Variants in SEMA5B observed in about 807,000 individuals in gnomAD.
SEMA5B encodes the protein semaphorin-5B.
In SEMA5B, 66 loss-of-function variants were observed where a neutral mutation model predicts 135.0. That is an observed-to-expected ratio of 0.49 (90% confidence interval 0.40 to 0.60). The LOEUF is 0.60. Among genes scored for constraint, SEMA5B ranks in the 20% least tolerant of loss-of-function variants. SEMA5B has a pLI of 0.00. For missense variants in SEMA5B, 1,501 were observed against 1,566.3 expected (o/e 0.96, Z 0.70); for synonymous variants, 690 against 639.5 (o/e 1.08, Z -1.19).
In SEMA5B at chr3:122,922,069, AGCCGTGGAGGCTGCGGCTC is replaced by A; in HGVS notation, c.1515_1533del (p.Ser506AlafsTer33). 1 of 1,492,076 alleles carries A rather than the reference AGCCGTGGAGGCTGCGGCTC, an allele frequency of 6.7e-7. No individual in the cohort carries two copies. The highest frequency in any genetic ancestry group is 8.9e-7 in the Non-Finnish European group (1 of 1,119,304). 92.4% of individuals were successfully genotyped at this position (1,492,076 alleles called of 1,614,324 possible). A position where few individuals can be genotyped will look rare whatever the true frequency, so the allele number is the denominator to read the frequency against. On this transcript the variant is annotated frameshift_variant, in exon 12 of 23. Transcript: ENST00000357599. LOFTEE classifies it high-confidence loss of function. ...AGCACGTGCAGCTCCTCCAGGTAGC[AGCCGTGGAGGCTGCGGCTC>A]GCCGTGGACAGCGCCTTCAGGATGG...
chr3:123,019,143 A>C (rs1482416455), intron 1 of SEMA5B, among the ~76,000 whole-genome samples: 1 of 152,188 alleles, frequency 6.6e-6, no homozygotes, highest in Non-Finnish European at 1.5e-5. Context: ...ACAACAAGCC[A>C]AGAGTTAACA....
intron 1 of SEMA5B, among the ~76,000 whole-genome samples, chr3:123,011,746 C>T (rs1459333090): frequency 6.6e-6 from 1 of 152,148 alleles, no homozygotes; most frequent in Non-Finnish European, 1.5e-5. Flanking sequence ...AGCCTGGGAA[C>T]CAGTACAGGG....
chr3:122,937,936 T>C (rs1196193065), intron 5 of SEMA5B, among the ~76,000 whole-genome samples: 2 of 152,176 alleles, frequency 1.3e-5, no homozygotes, highest in Non-Finnish European at 2.9e-5. Context: ...CTGCACTGGC[T>C]TCCCCCAGGC....
In SEMA5B at chr3:122,912,173, T is replaced by C. The variant is rs1305258587; in HGVS notation, c.2895A>G (p.Pro965=). Residue 965 remains proline (P), a splice_region_variant and synonymous_variant, in exon 19 of 23, where the codon CCA becomes CCG. Transcript: ENST00000357599. ...GCCCTGGCGGGATGTGCCTCATACCTGGGCAGGCCTGTGTGGCACATAGTG... is the reference window on the plus strand; with the variant it reads ...GCCCTGGCGGGATGTGCCTCATACCCGGGCAGGCCTGTGTGGCACATAGTG... ...EEALCATQAC[P]EGWSPWSEWS... The C allele has an allele frequency of 1.3e-6, 2 of 1,584,294 alleles. No individual in the cohort carries two copies. The highest frequency in any genetic ancestry group is 1.7e-6 in the Non-Finnish European group (2 of 1,160,520).
intron 20 of SEMA5B, 91 bp from the exon 21 acceptor site, chr3:122,911,626 G>A (rs907879308): frequency 8.9e-6 from 12 of 1,346,742 alleles, no homozygotes; most frequent in Non-Finnish European, 1.2e-5. Flanking sequence ...GGACCTCTAG[G>A]TCAACGCTCA....
At chr3:122,922,505 G>A (rs1402273227) in intron 10 of SEMA5B, 58 bp from the exon 11 acceptor site, 3 of 1,490,886 alleles carry the variant, frequency 2.0e-6, no homozygotes, top group African/African-American at 1.4e-5. Context: ...GCCATCCCCC[G>A]CCGGCTCCCT....
intron 3 of SEMA5B, among the ~76,000 whole-genome samples, chr3:122,945,129 C>T (rs1176870419): frequency 6.6e-6 from 1 of 152,132 alleles, no homozygotes; most frequent in Non-Finnish European, 1.5e-5. Context: ...TTAATCGCTC[C>T]CTGGAGAACT....
chr3:123,025,017 A>T (rs574403706), intron 1 of SEMA5B, among the ~76,000 whole-genome samples: 3 of 152,142 alleles, frequency 2.0e-5, no homozygotes, highest in Non-Finnish European at 4.4e-5. Context: ...TCTCAATAAG[A>T]AGTGACCACT....
intron 4 of SEMA5B, among the ~76,000 whole-genome samples, chr3:122,941,418 C>T (rs138211472): frequency 5.9e-5 from 9 of 152,348 alleles, no homozygotes; most frequent in African/African-American, 2.2e-4. Flanking sequence ...AGTGTGACCA[C>T]AGTCACAGGG....
At chr3:122,997,521 C>T (rs539618812) in intron 1 of SEMA5B, among the ~76,000 whole-genome samples, 1 of 151,766 alleles carries the variant, frequency 6.6e-6, no homozygotes, top group Non-Finnish European at 1.5e-5. Flanking sequence ...AGGCCTCTCC[C>T]CCCCCCGTCT....
At chr3:122,950,281 G>T (rs544529482) in intron 2 of SEMA5B, among the ~76,000 whole-genome samples, 1 of 152,224 alleles carries the variant, frequency 6.6e-6, no homozygotes, top group South Asian at 2.1e-4. Flanking sequence ...GCAGTCTTCC[G>T]GTGAAGCAGT....
intron 5 of SEMA5B, among the ~76,000 whole-genome samples, chr3:122,934,974 G>T (rs1244648976): frequency 2.0e-5 from 3 of 152,276 alleles, no homozygotes; most frequent in Admixed American, 2.0e-4. Context: ...GGACGTGGGG[G>T]GATGTATGTA....
intron 1 of SEMA5B, among the ~76,000 whole-genome samples, chr3:122,973,260 C>T (rs1385214191): frequency 6.6e-6 from 1 of 152,202 alleles, no homozygotes; most frequent in African/African-American, 2.4e-5. Context: ...ACACCCCTAG[C>T]TTCTAGTCTA....
At chr3:123,026,427 C>A (rs1359997837) in intron 1 of SEMA5B, among the ~76,000 whole-genome samples, 1 of 150,716 alleles carries the variant, frequency 6.6e-6, no homozygotes, top group East Asian at 2.0e-4. Flanking sequence ...TCGGAACTAC[C>A]CAAAGACTGG....
chr3:123,003,708 C>T (rs573726778), intron 1 of SEMA5B, among the ~76,000 whole-genome samples: 2 of 152,270 alleles, frequency 1.3e-5, no homozygotes, highest in East Asian at 3.9e-4. Context: ...GTGGCAGGCG[C>T]CTGTAATGCC....
At chr3:122,922,572 C>G (rs1019034854) in intron 10 of SEMA5B, 125 bp from the exon 11 acceptor site, 1 of 825,236 alleles carries the variant, frequency 1.2e-6, no homozygotes, top group African/African-American at 1.7e-5. Context: ...GCACCCCCCA[C>G]CCCTAGCATC....
chr3:123,004,010 C>T (rs969684862), intron 1 of SEMA5B, among the ~76,000 whole-genome samples: 3 of 152,096 alleles, frequency 2.0e-5, no homozygotes, highest in African/African-American at 7.2e-5. Flanking sequence ...AAAACCTCTC[C>T]TCAAATCCCA....
chr3:123,009,615 A>G (rs55950434), intron 1 of SEMA5B, among the ~76,000 whole-genome samples: 9,556 of 152,186 alleles, frequency 0.063, 856 homozygotes, highest in African/African-American at 0.2. Flanking sequence ...TCCACACAGC[A>G]CCCAGCCAGT....
In SEMA5B at chr3:122,921,986, C is replaced by T; in HGVS notation, c.1617G>A (p.Ala539=). Residue 539 remains alanine (A), a synonymous_variant, in exon 12 of 23, where the codon GCG becomes GCA. Transcript: ENST00000357599. ...CGCCGTCTCTCAGCCCCACGAAGAG[C>T]GCGCGGGCGCTGTGCAGGATGCGCA... ...RSLRILHSAR[A]LFVGLRDGVL... 6.5e-7 allele frequency: 1 copy of T among 1,534,550 alleles called. No homozygotes were observed. The highest frequency in any genetic ancestry group is 8.7e-7 in the Non-Finnish European group (1 of 1,144,306).
Sources: gnomAD v4.1 joint callset for allele counts (sites outside exome capture counted in the v4.1 genomes callset) on GRCh38, gnomAD v4.1.1 for gene constraint, MANE v1.5 for transcripts, NCBI Gene and HGNC (gene_info 2026-07-23, HGNC 2026-07-21) for gene names.